Variants in CFAP91 observed in about 807,000 individuals in gnomAD.
CFAP91 encodes cilia- and flagella-associated protein 91.
In CFAP91, 85 loss-of-function variants were observed where a neutral mutation model predicts 95.9. The ratio of observed to expected loss-of-function variants is 0.89; its 90% CI spans 0.74 to 1.06. The LOEUF (loss-of-function observed/expected upper bound fraction) is 1.06, where lower values mean the gene tolerates loss of function less well. Among genes scored for constraint, CFAP91 ranks in the 50% least tolerant of loss-of-function variants. The pLI is 0.00. For missense variants in CFAP91, 962 were observed against 943.4 expected (o/e 1.02, Z -0.26); for synonymous variants, 335 against 327.5 (o/e 1.02, Z -0.25).
chr3:119,744,359 A>T (rs955088754), intron 14 of CFAP91, among the ~76,000 whole-genome samples, 163 bp downstream of exon 14: 1 of 152,204 alleles, frequency 6.6e-6, no homozygotes, highest in Admixed American at 6.5e-5. Flanking sequence ...TGGAGGAAAA[A>T]ACCCAGACAC....
At chr3:119,735,741 A>G (rs1046532130) in intron 10 of CFAP91, among the ~76,000 whole-genome samples, 5 of 152,268 alleles carry the variant, frequency 3.3e-5, no homozygotes, top group African/African-American at 1.2e-4. Context: ...GATTATTCCC[A>G]ACTCCTTCTT....
chr3:119,764,835 T>G (rs1306545468), intron 17 of CFAP91, among the ~76,000 whole-genome samples: 1 of 152,130 alleles, frequency 6.6e-6, no homozygotes, highest in Non-Finnish European at 1.5e-5. Flanking sequence ...ACAGATTTTT[T>G]TAAGTGCTAG....
chr3:119,764,476 G>T (rs987482993), intron 17 of CFAP91, among the ~76,000 whole-genome samples: 1 of 152,090 alleles, frequency 6.6e-6, no homozygotes, highest in Non-Finnish European at 1.5e-5. Flanking sequence ...TTGAAAGATG[G>T]CAAGAACCAA....
chr3:119,744,180 A>G lies in CFAP91; in HGVS notation c.1886A>G (p.Asp629Gly), dbSNP rs1336683150. The G allele has an allele frequency of 1.2e-6, 2 of 1,612,490 alleles. No individual in the cohort carries two copies. The highest frequency in any genetic ancestry group is 1.7e-6 in the Non-Finnish European group (2 of 1,178,990). The change falls in exon 14 of 18, where the codon GAC becomes GGC. Residue 629 changes from aspartate (D) to glycine (G), a missense_variant. By Grantham distance (94) the Asp-to-Gly change is moderately conservative (BLOSUM62 -1). Transcript: ENST00000273390. ...QVEKQRLREE[D>G]EIFKEVVKVH... Reference sequence around the variant, plus strand: ...GAAAAACAGCGCCTGCGGGAGGAGGACGAGATATTTAAGGAGGCAAGTAGG... The same window carrying G: ...GAAAAACAGCGCCTGCGGGAGGAGGGCGAGATATTTAAGGAGGCAAGTAGG...
chr3:119,709,933 T>C, intron 5 of CFAP91, 38 bp downstream of exon 5: 1 of 1,468,634 alleles, frequency 6.8e-7, no homozygotes, highest in Non-Finnish European at 9.5e-7. Context: ...TTTCAGTTTA[T>C]TTATTGTTTG....
intron 5 of CFAP91, chr3:119,710,223 A>G (rs1215029645): frequency 5.0e-6 from 1 of 198,608 alleles, no homozygotes; most frequent in African/African-American, 2.3e-5. Flanking sequence ...TTGTGCTGCT[A>G]TAACAAATTA....
At chr3:119,757,421 A>G (rs534092555) in intron 17 of CFAP91, among the ~76,000 whole-genome samples, 1 of 152,192 alleles carries the variant, frequency 6.6e-6, no homozygotes, top group Non-Finnish European at 1.5e-5. Flanking sequence ...AGGCAGGTGG[A>G]CCAGTTCAGC....
At position 119,733,611 on chromosome 3, in the gene CFAP91, A is replaced by G. The variant is rs773278386; in HGVS notation, c.1344+105A>G. 343 of 1,162,916 alleles carry G rather than the reference A, an allele frequency of 2.9e-4. 1 individual carries two copies. Among genetic ancestry groups the G allele is most frequent in the Non-Finnish European group, 3.9e-4 (314 of 806,696 alleles). 72.0% of individuals were successfully genotyped at this position (1,162,916 alleles called of 1,614,324 possible). The stretch of plus-strand genomic sequence containing the variant: ...TGTCCAGTGGGTCAAACATAGACCT[A>G]CATTCTCTGCTCTGCACTTTTCTGA... On this transcript the variant is annotated intron_variant, in intron 10 of 17. Transcript: ENST00000273390.
rs529835614 is a variant in CFAP91, at chr3:119,712,797, A to G, written c.501-2765A>G. Among the ~76,000 whole-genome samples, 35 of 151,660 alleles carry G rather than the reference A, an allele frequency of 2.3e-4. 1 individual carries two copies. The highest frequency in any genetic ancestry group is 3.4e-3 in the Middle Eastern group (1 of 292). On this transcript the variant is annotated intron_variant, in intron 5 of 17. Transcript: ENST00000273390. Reference sequence around the variant, plus strand: ...TGATGAGACTCTGACTCTACTAAAAATACAAAAATTAGCTGGGTGAGGTGG... The same window carrying G: ...TGATGAGACTCTGACTCTACTAAAAGTACAAAAATTAGCTGGGTGAGGTGG...
chr3:119,753,263 A>T (rs2054359507), intron 17 of CFAP91, among the ~76,000 whole-genome samples: 1 of 152,088 alleles, frequency 6.6e-6, no homozygotes, highest in African/African-American at 2.4e-5. Flanking sequence ...GGGACAAAAA[A>T]CTTGAGTCAA....
At chr3:119,743,896 T>C (rs1260969446) in intron 13 of CFAP91, 79 bp from the exon 14 acceptor site, 18 of 1,265,146 alleles carry the variant, frequency 1.4e-5, no homozygotes, top group Non-Finnish European at 1.7e-5. Context: ...CCAAGAGTTT[T>C]GAGTAATCCA....
intron 6 of CFAP91, among the ~76,000 whole-genome samples, chr3:119,724,149 CAA>C (rs1387050731): frequency 8.0e-6 from 1 of 125,750 alleles, no homozygotes; most frequent in Non-Finnish European, 1.6e-5. Flanking sequence ...GCCTGGGTGA[CAA>C]GAGCAAGACT....
At chr3:119,716,007 C>T in intron 6 of CFAP91, 1 of 574,918 alleles carries the variant, frequency 1.7e-6, no homozygotes, top group Non-Finnish European at 3.1e-6. Context: ...GACTACTCAC[C>T]TATGTCCTCT....
Position 119,744,187 on chromosome 3 carries a change from A to G in CFAP91, c.1893A>G (p.Ile631Met). 2 of 1,610,938 alleles carry G rather than the reference A, an allele frequency of 1.2e-6. No individual in the cohort carries two copies. Among genetic ancestry groups the G allele is most frequent in the Non-Finnish European group, 1.7e-6 (2 of 1,177,884 alleles). Reference protein sequence around the residue: ...EKQRLREEDEIFKEVVKVHHS... With the variant: ...EKQRLREEDEMFKEVVKVHHS... ...AGCGCCTGCGGGAGGAGGACGAGAT[A>G]TTTAAGGAGGCAAGTAGGGGCAGCT... The change falls in exon 14 of 18, where the codon ATA becomes ATG. Residue 631 changes from isoleucine to methionine, a missense_variant. Physicochemically the swap from Ile to Met is conservative, Grantham distance 10. Transcript: ENST00000273390.
At chr3:119,747,530 A>G (rs2054245989) in intron 15 of CFAP91, 3 of 560,574 alleles carry the variant, frequency 5.4e-6, no homozygotes, top group Non-Finnish European at 9.4e-6. Flanking sequence ...ACGTGTGTGC[A>G]ACATTACTGG....
At chr3:119,714,694 G>A (rs1008005985) in intron 5 of CFAP91, among the ~76,000 whole-genome samples, 3 of 152,018 alleles carry the variant, frequency 2.0e-5, no homozygotes, top group African/African-American at 7.3e-5. Flanking sequence ...GATTTACAAG[G>A]GCTTTTTATA....
chr3:119,744,391 T>TA (rs146516615), intron 14 of CFAP91, among the ~76,000 whole-genome samples, 195 bp downstream of exon 14: 1 of 152,338 alleles, frequency 6.6e-6, no homozygotes, highest in Non-Finnish European at 1.5e-5. Flanking sequence ...TCCTAAAGCT[T>TA]AAATAACACA....
chr3:119,721,260 A>G (rs1434392821), intron 6 of CFAP91, among the ~76,000 whole-genome samples: 29 of 152,238 alleles, frequency 1.9e-4, no homozygotes, highest in Non-Finnish European at 8.8e-5. Flanking sequence ...GGTGCAGGAA[A>G]AAGTATTTTA....
intron 8 of CFAP91, 114 bp downstream of exon 8, chr3:119,730,491 A>G (rs912739624): frequency 9.8e-7 from 1 of 1,021,316 alleles, no homozygotes; most frequent in Non-Finnish European, 1.5e-6. Flanking sequence ...GGAATCACAT[A>G]GGTAAGGGCT....
Sources: allele counts gnomAD v4.1 joint callset (sites outside exome capture counted in the v4.1 genomes callset), GRCh38; gene constraint gnomAD v4.1.1; transcripts MANE v1.5; gene names NCBI Gene and HGNC (gene_info 2026-07-23, HGNC 2026-07-21).